OR14I1: variants seen among roughly 807,000 people sequenced by gnomAD.
OR14I1 encodes olfactory receptor 14I1.
For missense variants in OR14I1, 279 were observed against 181.8 expected (o/e 1.53, Z -3.07); for synonymous variants, 118 against 71.1 (o/e 1.66, Z -3.32).
the OR14I1 span, chr1:248,691,754 C>A: frequency 6.6e-6 from 1 of 152,370 alleles, no homozygotes; most frequent in Non-Finnish European, 1.5e-5. Flanking sequence ...TGCCCTCCGG[C>A]CTAGCCCGGC....
exon 1 of OR14I1, chr1:248,681,752 G>A (rs1317973934): frequency 1.3e-6 from 1 of 781,066 alleles, no homozygotes; most frequent in Admixed American, 1.7e-5. Context: ...CAGGAAACCA[G>A]GGCCAACACA....
At chr1:248,689,722 G>C in the OR14I1 span, among the ~76,000 whole-genome samples, 1 of 152,178 alleles carries the variant, frequency 6.6e-6, no homozygotes, top group African/African-American at 2.4e-5. Context: ...TCTGGACCAA[G>C]CAAACCTAAT....
chr1:248,692,058 G>C, the OR14I1 span: 1 of 152,500 alleles, frequency 6.6e-6, no homozygotes, highest in African/African-American at 2.4e-5. Context: ...GCGGGAGCGC[G>C]GGCCCGGCCG....
At chr1:248,700,778 A>G in the OR14I1 span, among the ~76,000 whole-genome samples, 30 of 152,354 alleles carry the variant, frequency 2.0e-4, no homozygotes, top group African/African-American at 5.8e-4. Context: ...TTGAGTTCAT[A>G]TGCGTCAGTG....
chr1:248,683,793 G>A (rs1051427624), upstream of OR14I1, among the ~76,000 whole-genome samples: 3 of 152,228 alleles, frequency 2.0e-5, no homozygotes, highest in African/African-American at 7.2e-5. Context: ...CAGCACTTTC[G>A]GAGGTTGAGG....
the OR14I1 span, among the ~76,000 whole-genome samples, chr1:248,696,319 C>G: frequency 6.6e-6 from 1 of 152,118 alleles, no homozygotes; most frequent in African/African-American, 2.4e-5. Flanking sequence ...CTTTTTTCCC[C>G]TTGCTCTTAA....
chr1:248,695,042 C>A, the OR14I1 span, among the ~76,000 whole-genome samples: 1 of 151,942 alleles, frequency 6.6e-6, no homozygotes, highest in South Asian at 2.1e-4. Context: ...AGAGTAGCTT[C>A]AGAGCAGAGT....
At chr1:248,698,060 T>C in the OR14I1 span, among the ~76,000 whole-genome samples, 7 of 152,204 alleles carry the variant, frequency 4.6e-5, no homozygotes, top group Non-Finnish European at 7.3e-5. Context: ...GGTTGGGTTG[T>C]TTCCATAATT....
the OR14I1 span, among the ~76,000 whole-genome samples, chr1:248,688,673 C>G: frequency 1.3e-5 from 2 of 152,136 alleles, no homozygotes; most frequent in Admixed American, 6.5e-5. Context: ...TTCCCCCCAC[C>G]CACCAGAAAG....
chr1:248,688,174 AG>A, the OR14I1 span, among the ~76,000 whole-genome samples: 3 of 152,228 alleles, frequency 2.0e-5, no homozygotes, highest in East Asian at 3.8e-4. Flanking sequence ...TCAAAAGCAC[AG>A]AGCTTGGACT....
the OR14I1 span, among the ~76,000 whole-genome samples, chr1:248,694,255 C>CAT: frequency 2.0e-5 from 3 of 151,850 alleles, no homozygotes; most frequent in Admixed American, 6.6e-5. Flanking sequence ...TGTAACAAGC[C>CAT]TTTTTTTTCG....
chr1:248,682,575 A>G (rs1661586042), upstream of OR14I1, among the ~76,000 whole-genome samples: 1 of 152,222 alleles, frequency 6.6e-6, no homozygotes, highest in African/African-American at 2.4e-5. Flanking sequence ...GAACTTCTCA[A>G]TCTTGAAATT....
At chr1:248,701,619 G>A in the OR14I1 span, among the ~76,000 whole-genome samples, 1 of 152,104 alleles carries the variant, frequency 6.6e-6, no homozygotes, top group Non-Finnish European at 1.5e-5. Flanking sequence ...ATACTGAGTG[G>A]ACACAGAGTT....
chr1:248,683,347 T>C (rs1457833500), upstream of OR14I1, among the ~76,000 whole-genome samples: 10 of 152,378 alleles, frequency 6.6e-5, no homozygotes, highest in South Asian at 2.1e-3. Flanking sequence ...ATCAAAGTCA[T>C]GTGTGTTAGA....
rs1303876938 is a variant in OR14I1, at chr1:248,681,721, A to C, written c.584T>G (p.Phe195Cys). The C allele has an allele frequency of 1.4e-5, 11 of 781,066 alleles. No individual in the cohort carries two copies. In the East Asian group the frequency reaches 2.7e-4, roughly 19 times the overall value. 48.4% of individuals were successfully genotyped at this position (781,066 alleles called of 1,614,324 possible). The change falls in exon 1 of 1, where the codon TTT (phenylalanine) becomes TGT (cysteine). Residue 195 changes from phenylalanine (F) to cysteine (C), a missense_variant. Coordinates refer to ENST00000342623, the Ensembl canonical transcript of OR14I1. Reference sequence around the variant, plus strand: ...GCATGAGCTCAGGGCCAGGGTCAAAAACTCTACAAAGAAAACCTCACAGGA... The same window carrying C: ...GCATGAGCTCAGGGCCAGGGTCAAACACTCTACAAAGAAAACCTCACAGGA...
At chr1:248,684,666 C>A (rs983227834), upstream of OR14I1, among the ~76,000 whole-genome samples, 5 of 151,992 alleles carry the variant, frequency 3.3e-5, no homozygotes, top group Admixed American at 2.0e-4. Context: ...TTTGAAAAAA[C>A]CCCACAAACT....
upstream of OR14I1, among the ~76,000 whole-genome samples, chr1:248,684,334 G>A (rs987380239): frequency 3.3e-5 from 5 of 152,170 alleles, no homozygotes; most frequent in African/African-American, 7.2e-5. Flanking sequence ...GTAAAGTCTC[G>A]ACAAACATGT....
At chr1:248,681,552 G>A in exon 1 of OR14I1, 1 of 780,978 alleles carries the variant, frequency 1.3e-6, no homozygotes, top group Non-Finnish European at 2.4e-6. Context: ...AGAGCCCTGT[G>A]GTAAGAAAGA....
At chr1:248,681,463 G>A (rs141771834) in exon 1 of OR14I1, 2 of 780,962 alleles carry the variant, frequency 2.6e-6, no homozygotes, top group South Asian at 1.3e-5. Context: ...ATTGAGGAAG[G>A]GAGGCAAAAC....
Sources: allele counts gnomAD v4.1 joint callset (sites outside exome capture counted in the v4.1 genomes callset), GRCh38; gene constraint gnomAD v4.1.1; transcripts MANE v1.5; gene names NCBI Gene and HGNC (gene_info 2026-07-23, HGNC 2026-07-21).